OR1L8: variants seen among roughly 807,000 people sequenced by gnomAD.
The protein encoded by OR1L8 is olfactory receptor family 1 subfamily L member 8.
For missense variants in OR1L8, 330 were observed against 377.4 expected, an observed-to-expected ratio of 0.87 and a Z score of 1.04; for synonymous variants, 148 against 147.0, an observed-to-expected ratio of 1.01 and a Z score of -0.05.
At chr9:122,564,649 G>A (rs1051221042), downstream of OR1L8, among the ~76,000 whole-genome samples, 2 of 152,216 alleles carry the variant, frequency 1.3e-5, no homozygotes, top group Non-Finnish European at 2.9e-5. Flanking sequence ...GCTTCACCAA[G>A]CAGTGACTCC....
At chr9:122,550,460 A>T in the OR1L8 span, among the ~76,000 whole-genome samples, 1 of 152,154 alleles carries the variant, frequency 6.6e-6, no homozygotes, top group East Asian at 1.9e-4. Context: ...AAAACTACAG[A>T]CCAATATTTG....
the OR1L8 span, among the ~76,000 whole-genome samples, chr9:122,560,229 C>T: frequency 5.3e-5 from 8 of 152,086 alleles, no homozygotes; most frequent in Non-Finnish European, 1.2e-4. Context: ...TTTCTTTGCA[C>T]GTGAGATGGA....
At chr9:122,575,560 G>T (rs1829638327) in intron 3 of OR1L8, among the ~76,000 whole-genome samples, 1 of 151,944 alleles carries the variant, frequency 6.6e-6, no homozygotes, top group Non-Finnish European at 1.5e-5. Context: ...ATTTATTTCT[G>T]ACATTAATAA....
intron 3 of OR1L8, among the ~76,000 whole-genome samples, chr9:122,575,195 G>T (rs1162884233): frequency 6.6e-6 from 1 of 151,996 alleles, no homozygotes; most frequent in African/African-American, 2.4e-5. Context: ...GGATATTGTT[G>T]GCTTCGTAGA....
the OR1L8 span, among the ~76,000 whole-genome samples, chr9:122,548,105 G>A: frequency 6.6e-6 from 1 of 152,122 alleles, no homozygotes. Flanking sequence ...GCTCAAAGCA[G>A]AAGTATACAA....
intron 1 of OR1L8, among the ~76,000 whole-genome samples, chr9:122,583,008 G>A (rs1260535183): frequency 6.7e-6 from 1 of 149,590 alleles, no homozygotes; most frequent in South Asian, 2.1e-4. Context: ...TAAGGAAATG[G>A]GATTATTTTA....
chr9:122,571,380 T>G (rs1829545229), intron 4 of OR1L8, among the ~76,000 whole-genome samples: 1 of 151,702 alleles, frequency 6.6e-6, no homozygotes, highest in African/African-American at 2.4e-5. Context: ...TTAAATCCTG[T>G]CTCTACTAAA....
chr9:122,564,960 T>TAGTA (rs35002550), downstream of OR1L8, among the ~76,000 whole-genome samples: 41,386 of 152,068 alleles, frequency 0.27, 5,783 homozygotes, highest in Middle Eastern at 0.34. Context: ...CAATTAGACC[T>TAGTA]AGTGAGTCTG....
At chr9:122,574,830 T>G (rs1829621676) in intron 3 of OR1L8, among the ~76,000 whole-genome samples, 1 of 152,094 alleles carries the variant, frequency 6.6e-6, no homozygotes, top group African/African-American at 2.4e-5. Flanking sequence ...TAGGATTTTT[T>G]TGGGGGTAGT....
At chr9:122,557,150 T>C in the OR1L8 span, among the ~76,000 whole-genome samples, 1 of 152,276 alleles carries the variant, frequency 6.6e-6, no homozygotes, top group East Asian at 1.9e-4. Context: ...TTGGATTTTC[T>C]GTAAAAATCA....
intron 4 of OR1L8, among the ~76,000 whole-genome samples, chr9:122,571,514 C>T (rs1396319002): frequency 6.8e-6 from 1 of 148,008 alleles, no homozygotes; most frequent in Admixed American, 6.8e-5. Context: ...TTTGCCACTG[C>T]ACTCCAGCCT....
the OR1L8 span, among the ~76,000 whole-genome samples, chr9:122,552,822 G>C: frequency 6.7e-6 from 1 of 150,364 alleles, no homozygotes. Flanking sequence ...GAGTTTGATG[G>C]AGATCATGCA....
chr9:122,558,532 A>G, the OR1L8 span, among the ~76,000 whole-genome samples: 1 of 150,684 alleles, frequency 6.6e-6, no homozygotes, highest in Non-Finnish European at 1.5e-5. Flanking sequence ...TGCAGTTAGA[A>G]CTTTTCTAAG....
chr9:122,572,218 T>G (rs1016041368), intron 4 of OR1L8, among the ~76,000 whole-genome samples: 2 of 152,194 alleles, frequency 1.3e-5, no homozygotes, highest in Admixed American at 1.3e-4. Context: ...AGGGCCCACC[T>G]TCAACACTGG....
intron 4 of OR1L8, among the ~76,000 whole-genome samples, chr9:122,572,381 A>C (rs986718629): frequency 6.6e-6 from 1 of 152,226 alleles, no homozygotes; most frequent in Non-Finnish European, 1.5e-5. Context: ...GGAATACAGA[A>C]TTTAAAAAAT....
chr9:122,547,508 A>G, the OR1L8 span, among the ~76,000 whole-genome samples: 1 of 152,036 alleles, frequency 6.6e-6, no homozygotes, highest in South Asian at 2.1e-4. Flanking sequence ...TCATTAAGCA[A>G]TTTCTCATCC....
the OR1L8 span, chr9:122,553,765 G>C: frequency 6.2e-7 from 1 of 1,613,984 alleles, no homozygotes; most frequent in South Asian, 1.1e-5. Context: ...TGTGATCCTA[G>C]TGCTCTCCTG....
intron 3 of OR1L8, among the ~76,000 whole-genome samples, chr9:122,576,247 A>G (rs935930089): frequency 3.9e-5 from 6 of 151,958 alleles, no homozygotes; most frequent in Non-Finnish European, 5.9e-5. Flanking sequence ...TTTAAGACAG[A>G]GTCTTGCTCT....
At chr9:122,570,353 C>T (rs978226465) in intron 4 of OR1L8, among the ~76,000 whole-genome samples, 1 of 152,202 alleles carries the variant, frequency 6.6e-6, no homozygotes, top group Admixed American at 6.5e-5. Flanking sequence ...GAAACAACTT[C>T]TTTACAGCAG....
Sources: allele counts gnomAD v4.1 joint callset (sites outside exome capture counted in the v4.1 genomes callset), GRCh38; gene constraint gnomAD v4.1.1; transcripts MANE v1.5; gene names NCBI Gene and HGNC (gene_info 2026-07-23, HGNC 2026-07-21).